BAZ2B: variants seen among roughly 807,000 people sequenced by gnomAD.
BAZ2B encodes bromodomain adjacent to zinc finger domain protein 2B.
BAZ2B carries 91 observed loss-of-function variants against 246.0 expected under a neutral mutation model. The observed-to-expected ratio is 0.37, with a 90% CI of 0.31 to 0.44. The LOEUF is 0.44. Among genes scored for constraint, BAZ2B ranks in the 20% least tolerant of loss-of-function variants. The pLI is 1.00. For missense variants in BAZ2B, 2,332 were observed against 2,533.7 expected (o/e 0.92, Z 1.71); for synonymous variants, 855 against 860.0 (o/e 0.99, Z 0.10).
rs70997176 is a variant in BAZ2B at position 159,613,459 on chromosome 2, T to TA, written c.-46+2782dup. Among the ~76,000 whole-genome samples the TA allele has an allele frequency of 6.4e-4, 93 of 144,440 alleles. 3 individuals are homozygous for TA. In the South Asian group the frequency reaches 0.016, roughly 25 times the overall value. The allele number at this position is 144,440 out of a possible 152,430, so 94.8% of individuals were successfully genotyped here. ...TTTTAAAGCATACAATCTGATTTTC[T>TA]AAAAAAAAAAAAAAAAAAGACTCTT... On this transcript the variant is annotated intron_variant, in intron 1 of 36. Coordinates refer to ENST00000392783, the MANE Select transcript of BAZ2B (RefSeq NM_013450.4).
the BAZ2B span, among the ~76,000 whole-genome samples, chr2:159,633,753 T>C: frequency 6.7e-6 from 1 of 149,988 alleles, no homozygotes; most frequent in Admixed American, 6.6e-5. Flanking sequence ...TTTTTTTTTT[T>C]TTTTTAAGAT....
chr2:159,544,990 C>T (rs1469297300), intron 2 of BAZ2B, among the ~76,000 whole-genome samples: 1 of 152,144 alleles, frequency 6.6e-6, no homozygotes, highest in Non-Finnish European at 1.5e-5. Context: ...CTGAATTCTG[C>T]TGTGGCAACA....
At chr2:159,344,821 A>C (rs1015982328) in intron 31 of BAZ2B, among the ~76,000 whole-genome samples, 1 of 152,174 alleles carries the variant, frequency 6.6e-6, no homozygotes, top group African/African-American at 2.4e-5. Context: ...CTTGAAAAAA[A>C]ACTGATCTCA....
chr2:159,619,497 A>G (rs944370231), upstream of BAZ2B, among the ~76,000 whole-genome samples: 4 of 151,564 alleles, frequency 2.6e-5, no homozygotes, highest in Admixed American at 6.6e-5. Flanking sequence ...AAAGACTGAC[A>G]TAGGTATCTC....
chr2:159,461,079 C>T (rs1419438966), intron 3 of BAZ2B: 1 of 152,224 alleles, frequency 6.6e-6, no homozygotes, highest in Admixed American at 6.6e-5. Context: ...TACTTGGAAA[C>T]AAACTGTTCC....
At chr2:159,702,525 TTAG>T in the BAZ2B span, among the ~76,000 whole-genome samples, 75 of 152,296 alleles carry the variant, frequency 4.9e-4, no homozygotes, top group African/African-American at 1.8e-3. Flanking sequence ...AATTTTTATT[TTAG>T]TAGTCCTCTA....
At chr2:159,458,992 T>C (rs142503760) in intron 3 of BAZ2B, 3 of 152,322 alleles carry the variant, frequency 2.0e-5, no homozygotes, top group African/African-American at 7.2e-5. Flanking sequence ...GTATTTTTGG[T>C]CACATTATTT....
intron 1 of BAZ2B, among the ~76,000 whole-genome samples, chr2:159,590,763 G>C (rs552863419): frequency 6.6e-6 from 1 of 152,118 alleles, no homozygotes; most frequent in Non-Finnish European, 1.5e-5. Flanking sequence ...CGGTAGAATG[G>C]AAAGAAGCAA....
intron 13 of BAZ2B, among the ~76,000 whole-genome samples, chr2:159,423,235 G>A (rs540620848): frequency 6.6e-6 from 1 of 152,140 alleles, no homozygotes; most frequent in Non-Finnish European, 1.5e-5. Flanking sequence ...AGAATGGTGT[G>A]AACCTGGGAG....
Position 159,432,884 on chromosome 2 carries a change from G to A in BAZ2B, c.1773C>T (p.Phe591=). ...TGGGAATGTCTGAATCTGTTCCTCT[G>A]AATTGTTCCACTAAAGATTTTGCAG... ...SHPAKSLVEQ[F]RGTDSDIPSS... Residue 591 remains phenylalanine (F), a synonymous_variant, in exon 9 of 37, where the codon TTC becomes TTT. Coordinates refer to ENST00000392783, the MANE Select transcript of BAZ2B (RefSeq NM_013450.4). 6.2e-7 allele frequency: 1 copy of A among 1,614,058 alleles called. No individual in the cohort carries two copies. The highest frequency in any genetic ancestry group is 8.5e-7 in the Non-Finnish European group (1 of 1,180,008).
the BAZ2B span, among the ~76,000 whole-genome samples, chr2:159,680,566 G>A: frequency 2.0e-5 from 3 of 152,124 alleles, no homozygotes; most frequent in Admixed American, 6.5e-5. Flanking sequence ...CCCCGGGCAC[G>A]TTAGTCTCCA....
intron 3 of BAZ2B, chr2:159,460,501 T>G (rs562577766): frequency 6.6e-6 from 1 of 152,250 alleles, no homozygotes; most frequent in South Asian, 2.1e-4. Context: ...AATTGTTATA[T>G]CATGTCTTCA....
At chr2:159,651,683 C>T in the BAZ2B span, among the ~76,000 whole-genome samples, 2 of 152,076 alleles carry the variant, frequency 1.3e-5, no homozygotes, top group Non-Finnish European at 2.9e-5. Context: ...TCATCACCCA[C>T]AAAAGTTACC....
the BAZ2B span, among the ~76,000 whole-genome samples, chr2:159,708,573 ATTTATTTC>A: frequency 0.49 from 53,889 of 110,490 alleles, 10,461 homozygotes; most frequent in South Asian, 0.55. Flanking sequence ...TTATTTATTT[ATTTATTTC>A]TTTATTTATT....
At chr2:159,417,038 T>C (rs2067846125) in intron 13 of BAZ2B, among the ~76,000 whole-genome samples, 1 of 152,234 alleles carries the variant, frequency 6.6e-6, no homozygotes, top group Non-Finnish European at 1.5e-5. Flanking sequence ...AGAATTTAAT[T>C]CTTTTTTCTT....
the BAZ2B span, among the ~76,000 whole-genome samples, chr2:159,651,141 A>G: frequency 1.3e-5 from 2 of 152,294 alleles, no homozygotes; most frequent in African/African-American, 4.8e-5. Flanking sequence ...GGAATCATAT[A>G]TCCAAGAATT....
At chr2:159,676,967 TA>T in the BAZ2B span, among the ~76,000 whole-genome samples, 2 of 58,642 alleles carry the variant, frequency 3.4e-5, no homozygotes, top group African/African-American at 1.2e-4. Context: ...TATATATATA[TA>T]TATATATATA....
chr2:159,594,490 G>A (rs374432071), intron 1 of BAZ2B, among the ~76,000 whole-genome samples: 1 of 152,100 alleles, frequency 6.6e-6, no homozygotes, highest in Admixed American at 6.5e-5. Flanking sequence ...GTAAATCTTT[G>A]GCAAATGGGA....
intron 1 of BAZ2B, among the ~76,000 whole-genome samples, chr2:159,588,592 G>A (rs574929123): frequency 1.3e-5 from 2 of 152,146 alleles, no homozygotes; most frequent in African/African-American, 4.8e-5. Context: ...TACTGGGGAG[G>A]GTCCATCCCA....
Sources: gnomAD v4.1 joint callset for allele counts (sites outside exome capture counted in the v4.1 genomes callset) on GRCh38, gnomAD v4.1.1 for gene constraint, MANE v1.5 for transcripts, NCBI Gene and HGNC (gene_info 2026-07-23, HGNC 2026-07-21) for gene names.